The following MMP16 variants were observed in gnomAD, a reference collection of about 807,000 sequenced individuals.
MMP16 encodes matrix metalloproteinase-16.
A neutral mutation model predicts 67.8 loss-of-function variants in MMP16; 12 were observed. The observed-to-expected ratio is 0.18, with a 90% CI of 0.11 to 0.29. MMP16 has a LOEUF of 0.29. Ranked by LOEUF, MMP16 falls within the 10% of genes least tolerant of loss-of-function variation. The pLI is 1.00. For missense variants in MMP16, 475 were observed against 765.7 expected (o/e 0.62, Z 4.48); for synonymous variants, 249 against 255.9 (o/e 0.97, Z 0.26).
intron 3 of MMP16, among the ~76,000 whole-genome samples, chr8:88,184,937 C>A (rs563425177): frequency 8.6e-5 from 13 of 151,812 alleles, no homozygotes; most frequent in Admixed American, 6.6e-5. Context: ...ACTTTCTTAA[C>A]TCTGTTTTGG....
intron 3 of MMP16, among the ~76,000 whole-genome samples, chr8:88,185,709 T>C (rs1809062216): frequency 6.6e-6 from 1 of 152,166 alleles, no homozygotes; most frequent in Non-Finnish European, 1.5e-5. Context: ...CTATGGGTCT[T>C]AGTTGAAAAG....
chr8:88,115,129 T>C (rs1193709695), intron 6 of MMP16, among the ~76,000 whole-genome samples: 2 of 152,046 alleles, frequency 1.3e-5, no homozygotes, highest in Non-Finnish European at 2.9e-5. Context: ...ATAAGGTTGA[T>C]GTTTTGGTGT....
At chr8:88,280,167 C>A (rs566172125) in intron 1 of MMP16, among the ~76,000 whole-genome samples, 1 of 152,308 alleles carries the variant, frequency 6.6e-6, no homozygotes, top group Admixed American at 6.5e-5. Context: ...AATTTGTGCA[C>A]TTATGGTCTG....
chr8:88,268,208 G>A (rs1810508775), intron 1 of MMP16, among the ~76,000 whole-genome samples: 1 of 152,128 alleles, frequency 6.6e-6, no homozygotes, highest in Non-Finnish European at 1.5e-5. Flanking sequence ...TGGGCGTGGT[G>A]GCGCATGCCT....
chr8:88,317,160 G>T (rs1811386751), intron 1 of MMP16, among the ~76,000 whole-genome samples: 1 of 152,160 alleles, frequency 6.6e-6, no homozygotes, highest in African/African-American at 2.4e-5. Context: ...GGCAGGGTTT[G>T]TCAGGATTGA....
chr8:88,207,579 A>T (rs1427571583), intron 1 of MMP16, among the ~76,000 whole-genome samples: 1 of 152,198 alleles, frequency 6.6e-6, no homozygotes, highest in African/African-American at 2.4e-5. Context: ...AAGTCATGGC[A>T]TTACAAGCAA....
intron 1 of MMP16, among the ~76,000 whole-genome samples, chr8:88,301,710 A>C (rs899259426): frequency 2.6e-5 from 4 of 152,196 alleles, no homozygotes; most frequent in African/African-American, 4.8e-5. Context: ...GCTACTACAT[A>C]AACACCTTTG....
intron 1 of MMP16, among the ~76,000 whole-genome samples, chr8:88,239,077 A>C (rs1485008550): frequency 6.6e-6 from 1 of 152,000 alleles, no homozygotes; most frequent in East Asian, 1.9e-4. Context: ...ACCTTCATCC[A>C]TTTCTACTCT....
rs1270004657 is a variant in MMP16 at position 88,036,285 on chromosome 8, T to C, written c.*5176A>G. The stretch of plus-strand genomic sequence containing the variant: ...ATCACTAGTGCAAAGAGCTTGAAGT[T>C]GGATTTTTTTCCTCCACTATTTTAT... On this transcript the variant is annotated 3_prime_UTR_variant, in exon 10 of 10. Transcript: ENST00000286614. 1 of 151,872 alleles carries C rather than the reference T, an allele frequency of 6.6e-6. No homozygotes were observed. Among genetic ancestry groups the C allele is most frequent in the Non-Finnish European group, 1.5e-5 (1 of 67,844 alleles). 9.4% of individuals were successfully genotyped at this position (151,872 alleles called of 1,614,324 possible).
chr8:88,214,733 C>A (rs1428828755), intron 1 of MMP16, among the ~76,000 whole-genome samples: 1 of 152,150 alleles, frequency 6.6e-6, no homozygotes, highest in Non-Finnish European at 1.5e-5. Context: ...ATCTCTTGAA[C>A]TTATTCCTCT....
At chr8:88,071,860 A>C (rs1808562335) in intron 7 of MMP16, among the ~76,000 whole-genome samples, 1 of 152,176 alleles carries the variant, frequency 6.6e-6, no homozygotes, top group Non-Finnish European at 1.5e-5. Flanking sequence ...AAAGGTATAT[A>C]ATAGAGACCA....
rs1563513573 is a variant in MMP16 at position 88,036,301 on chromosome 8, A to C, written c.*5160T>G. On this transcript the variant is annotated 3_prime_UTR_variant, in exon 10 of 10. Transcript: ENST00000286614. ...GCTTGAAGTTGGATTTTTTTCCTCC[A>C]CTATTTTATGCTTGCTAAAGTAAAA... 6.6e-6 allele frequency: 1 copy of C among 151,774 alleles called. No homozygotes were observed. The highest frequency in any genetic ancestry group is 2.1e-4 in the South Asian group (1 of 4,818). The allele number at this position is 151,774 out of a possible 1,614,324, so 9.4% of individuals were successfully genotyped here.
At chr8:88,102,858 T>A (rs1397947028) in intron 6 of MMP16, among the ~76,000 whole-genome samples, 1 of 151,882 alleles carries the variant, frequency 6.6e-6, no homozygotes, top group Non-Finnish European at 1.5e-5. Flanking sequence ...TCTTCACTCT[T>A]GCCTTTTGGG....
At chr8:88,293,977 C>T (rs1810964980) in intron 1 of MMP16, among the ~76,000 whole-genome samples, 1 of 151,986 alleles carries the variant, frequency 6.6e-6, no homozygotes, top group African/African-American at 2.4e-5. Context: ...TAAAACACTT[C>T]AAAGCTAGAC....
At chr8:88,118,269 T>C (rs1369279463) in intron 5 of MMP16, among the ~76,000 whole-genome samples, 1 of 152,072 alleles carries the variant, frequency 6.6e-6, no homozygotes, top group East Asian at 1.9e-4. Flanking sequence ...GTCTAGGAAA[T>C]ACCTAACATC....
At chr8:88,197,420 C>T (rs1006318010) in intron 1 of MMP16, 114 bp from the exon 2 acceptor site, 2 of 843,258 alleles carry the variant, frequency 2.4e-6, no homozygotes, top group East Asian at 6.5e-5. Context: ...CAAGGGCATA[C>T]AGTATTTTAA....
intron 4 of MMP16, among the ~76,000 whole-genome samples, chr8:88,134,163 ACT>A (rs1037016524): frequency 5.3e-5 from 8 of 151,708 alleles, no homozygotes; most frequent in African/African-American, 1.7e-4. Context: ...CTAATGAGAA[ACT>A]CTAACTCCAG....
intron 1 of MMP16, among the ~76,000 whole-genome samples, chr8:88,276,237 C>A (rs1417412090): frequency 6.6e-6 from 1 of 152,154 alleles, no homozygotes; most frequent in South Asian, 2.1e-4. Context: ...CAAAAGTATA[C>A]CTTACATTGC....
intron 4 of MMP16, among the ~76,000 whole-genome samples, chr8:88,161,838 G>T (rs181265631): frequency 3.2e-4 from 49 of 152,206 alleles, no homozygotes; most frequent in African/African-American, 7.7e-4. Flanking sequence ...GGAGCAGGTT[G>T]TTCAGTTTCC....
Sources: allele counts gnomAD v4.1 joint callset (sites outside exome capture counted in the v4.1 genomes callset), GRCh38; gene constraint gnomAD v4.1.1; transcripts MANE v1.5; gene names NCBI Gene and HGNC (gene_info 2026-07-23, HGNC 2026-07-21).